Variants in MCTP2 observed in about 807,000 individuals in gnomAD.
MCTP2 encodes the protein multiple C2 and transmembrane domain-containing protein 2.
Under a neutral mutation model 111.6 loss-of-function variants are expected in MCTP2, and 132 were observed. That is an observed-to-expected ratio of 1.18 (90% confidence interval 1.03 to 1.37). MCTP2 has a LOEUF of 1.37. Ranked by LOEUF, MCTP2 falls within the 40% of genes most tolerant of loss-of-function variation. The pLI, the probability that MCTP2 is intolerant of heterozygous loss-of-function variation, is 0.00. For missense variants in MCTP2, 1,183 were observed against 1,067.9 expected (o/e 1.11, Z -1.50); for synonymous variants, 395 against 387.7 (o/e 1.02, Z -0.22).
At chr15:94,477,259 T>G (rs2074442340) in intron 22 of MCTP2, among the ~76,000 whole-genome samples, 1 of 152,180 alleles carries the variant, frequency 6.6e-6, no homozygotes, top group Admixed American at 6.5e-5. Flanking sequence ...GTCTTCCCTC[T>G]GAAGACTTAG....
chr15:94,358,338 A>G (rs2078741038), intron 9 of MCTP2, 144 bp from the exon 10 acceptor site: 6 of 681,276 alleles, frequency 8.8e-6, no homozygotes, highest in Non-Finnish European at 1.2e-5. Flanking sequence ...AGTCCCTTTC[A>G]TTCTAAAAAA....
rs904600587 is a variant in MCTP2, at chr15:94,402,942, T to C, written c.2085+923T>C. The C allele has an allele frequency of 1.1e-5, 12 of 1,043,920 alleles. No individual in the cohort carries two copies. The Admixed American group carries it at 1.5e-4, about 13-fold the overall frequency. The allele number at this position is 1,043,920 out of a possible 1,614,324, so 64.7% of individuals were successfully genotyped here. A position where few individuals can be genotyped will look rare whatever the true frequency, so the allele number is the denominator to read the frequency against. On this transcript the variant is annotated intron_variant, in intron 17 of 22. Transcript: ENST00000357742. ...GCTTCTGTTTTCTACTGCCAATATATGCTGAATGTTCTCTCTTAGCCAACA... is the reference window on the plus strand; with the variant it reads ...GCTTCTGTTTTCTACTGCCAATATACGCTGAATGTTCTCTCTTAGCCAACA...
intron 8 of MCTP2, among the ~76,000 whole-genome samples, chr15:94,351,701 A>C (rs1016143392): frequency 6.6e-5 from 10 of 151,780 alleles, no homozygotes; most frequent in African/African-American, 2.4e-4. Context: ...GCCTTTTCTT[A>C]CTTCTCTCTT....
At chr15:94,432,859 G>A (rs1273222249) in intron 17 of MCTP2, among the ~76,000 whole-genome samples, 1 of 152,160 alleles carries the variant, frequency 6.6e-6, no homozygotes, top group Non-Finnish European at 1.5e-5. Context: ...GTACTTAGGC[G>A]AACAGCCATG....
At chr15:94,420,207 G>A (rs970075386) in intron 17 of MCTP2, among the ~76,000 whole-genome samples, 1 of 151,962 alleles carries the variant, frequency 6.6e-6, no homozygotes, top group Admixed American at 6.6e-5. Context: ...CTACTTCTCA[G>A]AAAAAAATGA....
In MCTP2 at chr15:94,340,241, G is replaced by A; in HGVS notation, c.823G>A (p.Ala275Thr). Residue 275 changes from alanine (A) to threonine (T), a missense_variant, in exon 6 of 23, where the codon GCA (alanine) becomes ACA (threonine). Physicochemically the swap from Ala to Thr is moderately conservative, Grantham distance 58. Transcript: ENST00000357742. Reference protein sequence around the residue: ...DLTTSDFMGSAFVILSDLELN... With the variant: ...DLTTSDFMGSTFVILSDLELN... ...AACCACATCTGATTTCATGGGTTCTGCATTTGTCATTCTCAGTGATCTTGA... is the reference window on the plus strand; with the variant it reads ...AACCACATCTGATTTCATGGGTTCTACATTTGTCATTCTCAGTGATCTTGA... The A allele has an allele frequency of 6.2e-7, 1 of 1,613,058 alleles. No individual in the cohort carries two copies. The highest frequency in any genetic ancestry group is 1.1e-5 in the South Asian group (1 of 91,048).
intron 20 of MCTP2, among the ~76,000 whole-genome samples, chr15:94,463,603 C>T (rs1277033917): frequency 5.9e-5 from 9 of 152,146 alleles, no homozygotes; most frequent in African/African-American, 2.2e-4. Context: ...TGGCTATTAG[C>T]TGTCATACAG....
At chr15:94,293,260 A>T (rs963415222) in intron 1 of MCTP2, among the ~76,000 whole-genome samples, 5 of 152,220 alleles carry the variant, frequency 3.3e-5, no homozygotes, top group African/African-American at 1.2e-4. Flanking sequence ...ACTACTAAGA[A>T]TGAGAAGACA....
chr15:94,250,443 G>A (rs1040121813), intron 1 of MCTP2, among the ~76,000 whole-genome samples: 1 of 152,266 alleles, frequency 6.6e-6, no homozygotes, highest in Non-Finnish European at 1.5e-5. Context: ...TACTATAGAA[G>A]CCTATGAACA....
intron 20 of MCTP2, among the ~76,000 whole-genome samples, chr15:94,464,439 A>G (rs2085474914): frequency 6.6e-6 from 1 of 150,976 alleles, no homozygotes; most frequent in Admixed American, 6.6e-5. Context: ...CTACTCTTCT[A>G]TGCTTGATAT....
intron 16 of MCTP2, among the ~76,000 whole-genome samples, chr15:94,401,497 A>C (rs1415849903): frequency 1.3e-5 from 2 of 151,980 alleles, no homozygotes; most frequent in African/African-American, 4.8e-5. Flanking sequence ...CAACATAGAC[A>C]CTCATTCTGT....
rs778325902 is a variant in MCTP2 at position 94,479,068 on chromosome 15, A to G, written c.*34A>G. 5.2e-5 allele frequency: 84 copies of G among 1,607,082 alleles called. No homozygotes were observed. Among genetic ancestry groups the G allele is most frequent in the Non-Finnish European group, 6.8e-5 (80 of 1,174,008 alleles). On this transcript the variant is annotated 3_prime_UTR_variant, in exon 23 of 23. Transcript: ENST00000357742. Reference sequence around the variant, plus strand: ...CCGACTTTGGACAGCAGCACCCAATATTGTGTTTGGTTGAGTAGACCAATG... The same window carrying G: ...CCGACTTTGGACAGCAGCACCCAATGTTGTGTTTGGTTGAGTAGACCAATG...
At chr15:94,281,363 T>G (rs1052483188) in intron 1 of MCTP2, among the ~76,000 whole-genome samples, 1 of 152,098 alleles carries the variant, frequency 6.6e-6, no homozygotes, top group African/African-American at 2.4e-5. Context: ...CTGTTTTGTC[T>G]GGAAAAAAAT....
chr15:94,309,950 G>A (rs986612949), intron 2 of MCTP2, among the ~76,000 whole-genome samples: 6 of 152,214 alleles, frequency 3.9e-5, no homozygotes, highest in African/African-American at 1.4e-4. Context: ...TTAATGCTGT[G>A]TTTCTGAATG....
intron 4 of MCTP2, among the ~76,000 whole-genome samples, chr15:94,333,037 C>T (rs1481031707): frequency 2.0e-5 from 3 of 152,192 alleles, no homozygotes; most frequent in Non-Finnish European, 2.9e-5. Flanking sequence ...GAATCCGAGA[C>T]CAGCCCGGCC....
rs748737909 is a variant in MCTP2 at position 94,440,214 on chromosome 15, G to A, written c.2124G>A (p.Met708Ile). 10 of 1,613,700 alleles carry A rather than the reference G, an allele frequency of 6.2e-6. No individual in the cohort carries two copies. In the South Asian group the frequency reaches 7.7e-5, roughly 12 times the overall value. ...CTGTCTGGAATTTTGAACTATATATGATCCCCTTGGCATTGTTGCTGATCT... is the reference window on the plus strand; with the variant it reads ...CTGTCTGGAATTTTGAACTATATATAATCCCCTTGGCATTGTTGCTGATCT... ...LITVWNFELY[M>I]IPLALLLIFV... is the part of the protein sequence containing the mutation. Residue 708 changes from methionine (M) to isoleucine (I), a missense_variant, in exon 18 of 23, where the codon ATG becomes ATA. Met to Ile is a conservative substitution (Grantham distance 10, BLOSUM62 1). Transcript: ENST00000357742.
At chr15:94,383,632 TA>T (rs1169918601) in intron 12 of MCTP2, among the ~76,000 whole-genome samples, 3 of 152,206 alleles carry the variant, frequency 2.0e-5, no homozygotes, top group Non-Finnish European at 4.4e-5. Flanking sequence ...AAACCACTTA[TA>T]AAACCATCAG....
At position 94,479,408 on chromosome 15, in the gene MCTP2, C is replaced by T. The variant is rs1176735333; in HGVS notation, c.*374C>T. The T allele has an allele frequency of 7.9e-6, 2 of 252,426 alleles. No individual in the cohort carries two copies. Among genetic ancestry groups the T allele is most frequent in the Non-Finnish European group, 1.6e-5 (2 of 128,778 alleles). 15.6% of individuals were successfully genotyped at this position (252,426 alleles called of 1,614,324 possible). A position where few individuals can be genotyped will look rare whatever the true frequency, so the allele number is the denominator to read the frequency against. ...AACTTGTTTTCACACCTCCAACAGA[C>T]TCTCATTAAGATTCAGTTATTTCCG... On this transcript the variant is annotated 3_prime_UTR_variant, in exon 23 of 23. Transcript: ENST00000357742.
At chr15:94,288,322 C>T (rs1383940620) in intron 1 of MCTP2, among the ~76,000 whole-genome samples, 1 of 152,196 alleles carries the variant, frequency 6.6e-6, no homozygotes, top group Non-Finnish European at 1.5e-5. Flanking sequence ...ATTGTGGACT[C>T]ATGGACTCAT....
Sources: gnomAD v4.1 joint callset for allele counts (sites outside exome capture counted in the v4.1 genomes callset) on GRCh38, gnomAD v4.1.1 for gene constraint, MANE v1.5 for transcripts, NCBI Gene and HGNC (gene_info 2026-07-23, HGNC 2026-07-21) for gene names.